Variants in GRIN2B observed in about 807,000 individuals in gnomAD.
GRIN2B encodes the protein glutamate receptor ionotropic, NMDA 2B.
A neutral mutation model predicts 114.5 loss-of-function variants in GRIN2B; 5 were observed. That is an observed-to-expected ratio of 0.04 (90% CI 0.02 to 0.09). The LOEUF is 0.09. Ranked by LOEUF, GRIN2B falls within the 10% of genes least tolerant of loss-of-function variation. GRIN2B has a pLI of 1.00. For missense variants in GRIN2B, 1,108 were observed against 1,943.5 expected, an observed-to-expected ratio of 0.57 and a Z score of 8.08; for synonymous variants, 787 against 745.1, an observed-to-expected ratio of 1.06 and a Z score of -0.92.
intron 5 of GRIN2B, among the ~76,000 whole-genome samples, chr12:13,641,350 G>C (rs1481236419): frequency 6.6e-6 from 1 of 152,102 alleles, no homozygotes. Context: ...TGGGATTACA[G>C]GTGTGAGCCA....
intron 4 of GRIN2B, among the ~76,000 whole-genome samples, chr12:13,703,393 G>A (rs1252040941): frequency 6.6e-6 from 1 of 151,912 alleles, no homozygotes. Flanking sequence ...ATGTTCATTA[G>A]AGCAAATGAA....
intron 3 of GRIN2B, among the ~76,000 whole-genome samples, chr12:13,760,255 G>A (rs1306657461): frequency 1.3e-5 from 2 of 152,192 alleles, no homozygotes; most frequent in Non-Finnish European, 2.9e-5. Flanking sequence ...GGATCGGCAT[G>A]TGTTTGTTCA....
chr12:13,715,200 A>G (rs961968387), intron 4 of GRIN2B, among the ~76,000 whole-genome samples: 1 of 151,874 alleles, frequency 6.6e-6, no homozygotes, highest in Non-Finnish European at 1.5e-5. Context: ...TATTCTGGGA[A>G]TAATTATTAT....
chr12:13,664,266 G>A (rs558781391), intron 5 of GRIN2B, among the ~76,000 whole-genome samples: 1 of 152,186 alleles, frequency 6.6e-6, no homozygotes. Context: ...AGGTGAGGAG[G>A]GAAAAGGAAG....
intron 4 of GRIN2B, among the ~76,000 whole-genome samples, chr12:13,723,060 GC>G (rs1321910179): frequency 1.3e-5 from 2 of 152,054 alleles, no homozygotes; most frequent in Non-Finnish European, 2.9e-5. Context: ...TGAAGGAACT[GC>G]TGGAGACGTG....
intron 5 of GRIN2B, among the ~76,000 whole-genome samples, chr12:13,638,441 T>C (rs141376978): frequency 3.7e-4 from 57 of 152,216 alleles, no homozygotes; most frequent in Admixed American, 9.8e-4. Context: ...GAAATGTCCA[T>C]GCAAACAGAA....
intron 3 of GRIN2B, among the ~76,000 whole-genome samples, chr12:13,849,031 C>T (rs1304448825): frequency 6.6e-6 from 1 of 152,142 alleles, no homozygotes; most frequent in Non-Finnish European, 1.5e-5. Flanking sequence ...AGTTCCATGA[C>T]CCCAAATAGT....
intron 2 of GRIN2B, among the ~76,000 whole-genome samples, chr12:13,944,423 G>A (rs1158440633): frequency 9.9e-5 from 15 of 152,192 alleles, no homozygotes; most frequent in Admixed American, 6.5e-4. Context: ...CTGTGTGTAC[G>A]TCTACTTGAG....
At chr12:13,739,373 T>A (rs865909979) in intron 4 of GRIN2B, among the ~76,000 whole-genome samples, 758 of 15,678 alleles carry the variant, frequency 0.048, 4 homozygotes, top group Middle Eastern at 0.15. Flanking sequence ...AAACTCCGTC[T>A]CAAAAAAAAA....
At position 13,563,344 on chromosome 12, in the gene GRIN2B, C is replaced by T; in HGVS notation, c.3894G>A (p.Leu1298=). The change falls in exon 14 of 14, where the codon CTG becomes CTA. Residue 1298 remains leucine, a synonymous_variant. Transcript: ENST00000609686. ...AGGTGTCGTAGGAGTGCTGCCGGCG[C>T]AGTTTGTTCCGGTTCTTCTTCTGGG... ...SKAQKKNRNK[L]RRQHSYDTFV... 6.2e-7 allele frequency: 1 copy of T among 1,614,176 alleles called. No individual in the cohort carries two copies. The highest frequency in any genetic ancestry group is 8.5e-7 in the Non-Finnish European group (1 of 1,180,026).
chr12:13,979,540 A>C (rs1863093461), intron 2 of GRIN2B, among the ~76,000 whole-genome samples: 2 of 152,096 alleles, frequency 1.3e-5, no homozygotes, highest in South Asian at 2.1e-4. Flanking sequence ...AAAAAAAAAA[A>C]AAAAAGGATT....
rs377354090 is a variant in GRIN2B, at chr12:13,939,346, C to A, written c.-19+40582G>T. On this transcript the variant is annotated intron_variant, in intron 2 of 13. Coordinates refer to ENST00000609686, the MANE Select transcript of GRIN2B (RefSeq NM_000834.5). ...TGAATCTTTCATGAATGGTTTGGTG[C>A]CTTTCCCCAGGTAATGAGTGAGTTC... 5.3e-5 allele frequency among the ~76,000 whole-genome samples: 8 copies of A among 152,034 alleles called. No individual in the cohort carries two copies. The South Asian group carries it at 1.2e-3, about 24-fold the overall frequency.
chr12:13,544,552 C>T lies in GRIN2B; in HGVS notation c.*18231G>A, dbSNP rs1009321682. 6.6e-6 allele frequency: 1 copy of T among 152,166 alleles called. No homozygotes were observed. The highest frequency in any genetic ancestry group is 2.4e-5 in the African/African-American group (1 of 41,434). The allele number at this position is 152,166 out of a possible 1,614,324, so 9.4% of individuals were successfully genotyped here. ...ATTGCCTAATCATCATTTCTACTTG[C>T]AACATCTGTAGACACCTTAAACTAT... On this transcript the variant is annotated 3_prime_UTR_variant, in exon 14 of 14. Coordinates refer to ENST00000609686, the MANE Select transcript of GRIN2B (RefSeq NM_000834.5).
chr12:13,844,531 C>T (rs1865437648), intron 3 of GRIN2B, among the ~76,000 whole-genome samples: 1 of 152,340 alleles, frequency 6.6e-6, no homozygotes, highest in African/African-American at 2.4e-5. Flanking sequence ...ATTTGACTCC[C>T]CTGTGCTGAC....
At position 13,710,043 on chromosome 12, in the gene GRIN2B, C is replaced by T. The variant is rs138653358; in HGVS notation, c.1011-34184G>A. On this transcript the variant is annotated intron_variant, in intron 4 of 13. Transcript: ENST00000609686. Reference sequence around the variant, plus strand: ...AGCCCAAATGTTCATCAACAGAAAACAATAAATTCTGTTATATTCATAAAA... The same window carrying T: ...AGCCCAAATGTTCATCAACAGAAAATAATAAATTCTGTTATATTCATAAAA... 9.1e-4 allele frequency among the ~76,000 whole-genome samples: 139 copies of T among 151,980 alleles called. 1 individual carries two copies. The highest frequency in any genetic ancestry group is 3.4e-3 in the Middle Eastern group (1 of 294).
At chr12:13,765,253 C>T (rs1034070757) in intron 3 of GRIN2B, among the ~76,000 whole-genome samples, 1 of 152,226 alleles carries the variant, frequency 6.6e-6, no homozygotes, top group African/African-American at 2.4e-5. Context: ...CCTGAGAACA[C>T]ATTAGTCCAG....
intron 10 of GRIN2B, among the ~76,000 whole-genome samples, chr12:13,574,050 C>T (rs1591613708): frequency 1.3e-5 from 2 of 152,300 alleles, no homozygotes; most frequent in South Asian, 4.2e-4. Flanking sequence ...GAAAAATCTA[C>T]AGCCAAATGG....
rs1408265208 is a variant in GRIN2B at position 13,554,641 on chromosome 12, T to C, written c.*8142A>G. The C allele has an allele frequency of 3.9e-5, 6 of 152,160 alleles. No homozygotes were observed. The highest frequency in any genetic ancestry group is 3.3e-4 in the Admixed American group (5 of 15,272). The allele number at this position is 152,160 out of a possible 1,614,324, so 9.4% of individuals were successfully genotyped here. On this transcript the variant is annotated 3_prime_UTR_variant, in exon 14 of 14. Transcript: ENST00000609686. ...TCTGAAGAATGACATCTGATTTATATGTAGGAAGTGAGTACTGACAAGAGT... is the reference window on the plus strand; with the variant it reads ...TCTGAAGAATGACATCTGATTTATACGTAGGAAGTGAGTACTGACAAGAGT...
chr12:13,864,779 G>T (rs1865799604), intron 3 of GRIN2B, among the ~76,000 whole-genome samples: 1 of 152,198 alleles, frequency 6.6e-6, no homozygotes, highest in East Asian at 1.9e-4. Context: ...GCTAGGATTT[G>T]TTGGAGATTT....
Sources: allele counts gnomAD v4.1 joint callset (sites outside exome capture counted in the v4.1 genomes callset), GRCh38; gene constraint gnomAD v4.1.1; transcripts MANE v1.5; gene names NCBI Gene and HGNC (gene_info 2026-07-23, HGNC 2026-07-21).